Variants in GMDS observed in about 807,000 individuals in gnomAD.
The protein encoded by GMDS is GDP-mannose 4,6 dehydratase.
In GMDS, 20 loss-of-function variants were observed where a neutral mutation model predicts 49.9. That is an observed-to-expected ratio of 0.40 (90% CI 0.28 to 0.58). GMDS has a LOEUF of 0.58. GMDS is among the 20% of genes least tolerant of loss of function. The pLI is 0.42. For synonymous variants in GMDS, 177 were observed against 178.6 expected, an observed-to-expected ratio of 0.99 and a Z score of 0.07; for missense variants, 362 against 481.4, an observed-to-expected ratio of 0.75 and a Z score of 2.32.
At chr6:2,194,173 G>A (rs1271276603) in intron 1 of GMDS, among the ~76,000 whole-genome samples, 3 of 152,188 alleles carry the variant, frequency 2.0e-5, no homozygotes, top group Non-Finnish European at 4.4e-5. Flanking sequence ...CTGTGTGTGT[G>A]TGTGAGGGGA....
At chr6:1,866,474 T>C (rs1347495295) in intron 7 of GMDS, among the ~76,000 whole-genome samples, 2 of 152,192 alleles carry the variant, frequency 1.3e-5, no homozygotes, top group Admixed American at 6.5e-5. Flanking sequence ...TATGAGCTAA[T>C]TCTGCTGCTA....
chr6:2,184,995 G>A (rs910429966), intron 1 of GMDS, among the ~76,000 whole-genome samples: 3 of 152,122 alleles, frequency 2.0e-5, no homozygotes, highest in Non-Finnish European at 4.4e-5. Context: ...GAATTGAAGC[G>A]ATCAACAAAA....
chr6:1,978,785 G>T (rs545368036), intron 4 of GMDS, among the ~76,000 whole-genome samples: 1 of 152,194 alleles, frequency 6.6e-6, no homozygotes, highest in East Asian at 1.9e-4. Flanking sequence ...CTCTGATCTT[G>T]TTCCTCCTGA....
chr6:1,692,468 T>C (rs1399247785), intron 9 of GMDS, among the ~76,000 whole-genome samples: 1 of 152,206 alleles, frequency 6.6e-6, no homozygotes, highest in East Asian at 1.9e-4. Context: ...TGGAAAAAAA[T>C]GTTTAGCATT....
rs1763114114 is a variant in GMDS, at chr6:1,635,384, A to G, written c.988-10844T>C. 6.6e-6 allele frequency among the ~76,000 whole-genome samples: 1 copy of G among 152,204 alleles called. No homozygotes were observed. The highest frequency in any genetic ancestry group is 1.5e-5 in the Non-Finnish European group (1 of 68,020). ...GCAAGCTGTGTCCACTGCGCAACCAACATGGCCCACTTTCATCCTCCGGCT... is the reference window on the plus strand; with the variant it reads ...GCAAGCTGTGTCCACTGCGCAACCAGCATGGCCCACTTTCATCCTCCGGCT... On this transcript the variant is annotated intron_variant, in intron 9 of 10. Transcript: ENST00000380815. This position sits in a 1 kb window ranked among gnomAD's most constrained non-coding sequence, Gnocchi z 4.7.
chr6:1,872,621 G>A (rs1561857503), intron 7 of GMDS, among the ~76,000 whole-genome samples: 2 of 152,160 alleles, frequency 1.3e-5, no homozygotes, highest in Admixed American at 6.5e-5. Context: ...TATTTATTAC[G>A]AGCCACACAT....
chr6:1,868,201 G>C (rs549821975), intron 7 of GMDS, among the ~76,000 whole-genome samples: 26 of 152,196 alleles, frequency 1.7e-4, no homozygotes, highest in Admixed American at 1.4e-3. Flanking sequence ...TGGCCAGGCT[G>C]GTCTCGAACT....
chr6:2,196,548 T>A (rs1427697185), intron 1 of GMDS, among the ~76,000 whole-genome samples: 1 of 152,190 alleles, frequency 6.6e-6, no homozygotes, highest in Non-Finnish European at 1.5e-5. Flanking sequence ...AAACATAGAA[T>A]CCAAAACAAA....
intron 4 of GMDS, among the ~76,000 whole-genome samples, chr6:2,087,714 A>G (rs1337376687): frequency 6.6e-6 from 1 of 152,248 alleles, no homozygotes; most frequent in Non-Finnish European, 1.5e-5. Flanking sequence ...TCACTTGCTT[A>G]TGAACCTGAA....
chr6:1,919,810 T>C (rs1249394491), intron 7 of GMDS, among the ~76,000 whole-genome samples: 4 of 152,208 alleles, frequency 2.6e-5, no homozygotes, highest in African/African-American at 9.6e-5. Flanking sequence ...ATCTGGCCCA[T>C]TTCCTACAGT....
intron 9 of GMDS, among the ~76,000 whole-genome samples, chr6:1,725,402 T>C (rs184892024): frequency 2.0e-5 from 3 of 152,338 alleles, no homozygotes; most frequent in Admixed American, 1.3e-4. Context: ...TCAGTATTTA[T>C]TAAGTACCTA....
At chr6:2,116,138 G>A (rs375908457) in intron 3 of GMDS, among the ~76,000 whole-genome samples, 1 of 152,076 alleles carries the variant, frequency 6.6e-6, no homozygotes, top group Non-Finnish European at 1.5e-5. Flanking sequence ...ACAGTATCAC[G>A]AACATGTTAT....
chr6:1,745,596 T>C (rs1204425376), intron 7 of GMDS, among the ~76,000 whole-genome samples: 1 of 152,228 alleles, frequency 6.6e-6, no homozygotes. Context: ...CTCCTTTTAC[T>C]AGAGCAAGAG....
At chr6:1,727,290 C>G (rs1174055600) in intron 8 of GMDS, among the ~76,000 whole-genome samples, 2 of 152,176 alleles carry the variant, frequency 1.3e-5, no homozygotes, top group Non-Finnish European at 2.9e-5. Flanking sequence ...TCATATGCTT[C>G]GAGATTACCT....
At chr6:1,629,295 A>T (rs1181717476) in intron 9 of GMDS, among the ~76,000 whole-genome samples, 2 of 152,182 alleles carry the variant, frequency 1.3e-5, no homozygotes, top group Admixed American at 1.3e-4. Flanking sequence ...AGCGGTAATG[A>T]ACATTTCCCC....
rs549535223 is a variant in GMDS at position 1,624,759 on chromosome 6, G to A, written c.988-219C>T. On this transcript the variant is annotated intron_variant, in intron 9 of 10. Coordinates refer to ENST00000380815, the MANE Select transcript of GMDS (RefSeq NM_001500.4). ...TGTGCTGTGCGGACCCGTGAGGACCGTGACCGCGATCCACCCCCAGCTACC... is the reference window on the plus strand; with the variant it reads ...TGTGCTGTGCGGACCCGTGAGGACCATGACCGCGATCCACCCCCAGCTACC... 2.9e-4 allele frequency: 142 copies of A among 496,152 alleles called. 1 individual carries two copies. The highest frequency in any genetic ancestry group is 2.5e-3 in the African/African-American group (126 of 50,224). 30.7% of individuals were successfully genotyped at this position (496,152 alleles called of 1,614,324 possible). A position where few individuals can be genotyped will look rare whatever the true frequency, so the allele number is the denominator to read the frequency against.
In GMDS at chr6:1,642,633, G is replaced by T. The variant is rs181891789; in HGVS notation, c.988-18093C>A. On this transcript the variant is annotated intron_variant, in intron 9 of 10. Transcript: ENST00000380815. ...TTTGTCCTCTAGGTTGGAGAACGGG[G>T]TTCCATGGTGACCATCGTCCTGAGT... Among the ~76,000 whole-genome samples, 485 of 152,328 alleles carry T rather than the reference G, an allele frequency of 3.2e-3. 6 individuals are homozygous for T. The highest frequency in any genetic ancestry group is 0.011 in the African/African-American group (457 of 41,564).
intron 1 of GMDS, among the ~76,000 whole-genome samples, chr6:2,134,501 C>G (rs967462583): frequency 1.3e-5 from 2 of 152,186 alleles, no homozygotes; most frequent in African/African-American, 4.8e-5. Context: ...TAGCACCAAA[C>G]TTTAAATTGC....
At chr6:1,634,391 C>G (rs1763081054) in intron 9 of GMDS, among the ~76,000 whole-genome samples, 1 of 152,216 alleles carries the variant, frequency 6.6e-6, no homozygotes, top group African/African-American at 2.4e-5. Context: ...CCTGAGCTCC[C>G]CTTGCTGGTT....
Sources: gnomAD v4.1 joint callset for allele counts (sites outside exome capture counted in the v4.1 genomes callset) on GRCh38, gnomAD v4.1.1 for gene constraint, Gnocchi (gnomAD v3.1) non-coding constraint, MANE v1.5 for transcripts, NCBI Gene and HGNC (gene_info 2026-07-23, HGNC 2026-07-21) for gene names.